THSD4: variants seen among roughly 807,000 people sequenced by gnomAD.
THSD4 encodes thrombospondin type-1 domain-containing protein 4.
Under a neutral mutation model 119.0 loss-of-function variants are expected in THSD4, and 69 were observed. The ratio of observed to expected loss-of-function variants is 0.58; its 90% CI spans 0.48 to 0.71. The LOEUF is 0.71. THSD4 is among the 30% of genes least tolerant of loss of function. The probability of loss-of-function intolerance (pLI) is 0.00; values close to 1 mark genes in which losing one functional copy is unlikely to be tolerated. For synonymous variants in THSD4, 524 were observed against 540.4 expected (o/e 0.97, Z 0.42); for missense variants, 1,393 against 1,391.1 (o/e 1.00, Z -0.02).
intron 6 of THSD4, among the ~76,000 whole-genome samples, chr15:71,321,141 A>C (rs1443828961): frequency 6.6e-6 from 1 of 152,238 alleles, no homozygotes; most frequent in East Asian, 1.9e-4. Flanking sequence ...TGAGACTAGC[A>C]GAGATGAAAT....
intron 6 of THSD4, among the ~76,000 whole-genome samples, chr15:71,395,914 GAC>G (rs58433075): frequency 0.019 from 2,567 of 133,324 alleles, 26 homozygotes; most frequent in South Asian, 0.034. Flanking sequence ...TTTGAAGAGA[GAC>G]ACACACACAC....
At chr15:71,542,989 T>G (rs2048782527) in intron 7 of THSD4, among the ~76,000 whole-genome samples, 1 of 151,746 alleles carries the variant, frequency 6.6e-6, no homozygotes, top group South Asian at 2.1e-4. Flanking sequence ...GGCTGAGAAA[T>G]GGTCACAGAC....
intron 11 of THSD4, among the ~76,000 whole-genome samples, chr15:71,744,457 A>T (rs1197885045): frequency 2.0e-5 from 3 of 152,172 alleles, no homozygotes; most frequent in African/African-American, 7.2e-5. Context: ...TGGGTACTTT[A>T]TTAGAAGAAC....
chr15:71,490,190 C>A (rs568189696), intron 7 of THSD4, among the ~76,000 whole-genome samples: 1 of 152,186 alleles, frequency 6.6e-6, no homozygotes, highest in South Asian at 2.1e-4. Flanking sequence ...CTTTGGAGGC[C>A]GAGGCAGGTG....
chr15:71,512,167 G>C (rs1207674234), intron 7 of THSD4, among the ~76,000 whole-genome samples: 1 of 152,132 alleles, frequency 6.6e-6, no homozygotes, highest in Non-Finnish European at 1.5e-5. Flanking sequence ...TTCTTCTTTG[G>C]TGTGGAGGTT....
chr15:71,206,657 A>G (rs2043846170), intron 3 of THSD4, among the ~76,000 whole-genome samples: 2 of 152,234 alleles, frequency 1.3e-5, no homozygotes, highest in South Asian at 4.1e-4. Flanking sequence ...ATGATTTCAC[A>G]TTAGTACAGA....
At chr15:71,559,732 T>C (rs1339578007) in intron 7 of THSD4, among the ~76,000 whole-genome samples, 1 of 152,210 alleles carries the variant, frequency 6.6e-6, no homozygotes. Flanking sequence ...TGTAAAGATT[T>C]ATTCAAATGC....
Position 71,328,164 on chromosome 15 carries a change from C to T in THSD4, c.1015+71449C>T, listed in dbSNP as rs928882400. Among the ~76,000 whole-genome samples, 5 of 152,304 alleles carry T rather than the reference C, an allele frequency of 3.3e-5. No homozygotes were observed. In the East Asian group the frequency reaches 9.6e-4, roughly 29 times the overall value. On this transcript the variant is annotated intron_variant, in intron 6 of 17. Transcript: ENST00000261862. ...GGTCCCGACTGGGACACCGTATTTTCGTGCTTCTTGTTTTTATTGTTCCTC... is the reference window on the plus strand; with the variant it reads ...GGTCCCGACTGGGACACCGTATTTTTGTGCTTCTTGTTTTTATTGTTCCTC...
Position 71,314,130 on chromosome 15 carries a change from C to G in THSD4, c.1015+57415C>G, listed in dbSNP as rs559640255. ...GTGAGTTGGAAAAGATCATTTTAGC[C>G]ATATGATTATAGCCTTTTTTAAAGG... On this transcript the variant is annotated intron_variant, in intron 6 of 17. Coordinates refer to ENST00000261862, the MANE Select transcript of THSD4 (RefSeq NM_024817.3). Among the ~76,000 whole-genome samples, 5 of 152,052 alleles carry G rather than the reference C, an allele frequency of 3.3e-5. No individual in the cohort carries two copies. In the East Asian group the frequency reaches 9.6e-4, roughly 29 times the overall value.
At chr15:71,349,512 G>A (rs994709325) in intron 6 of THSD4, among the ~76,000 whole-genome samples, 2 of 152,188 alleles carry the variant, frequency 1.3e-5, no homozygotes, top group East Asian at 1.9e-4. Context: ...TTCTGTCTAC[G>A]TAGCACCTGT....
intron 6 of THSD4, among the ~76,000 whole-genome samples, chr15:71,323,096 TAAAAAAAAA>T (rs34395762): frequency 3.0e-5 from 3 of 98,544 alleles, no homozygotes; most frequent in South Asian, 6.7e-4. Flanking sequence ...GACCCTGTCT[TAAAAAAAAA>T]AAAAAAAAAA....
chr15:71,161,042 T>C (rs1324016003), intron 3 of THSD4, among the ~76,000 whole-genome samples: 1 of 152,148 alleles, frequency 6.6e-6, no homozygotes, highest in Admixed American at 6.5e-5. Context: ...TCTTGTTTAA[T>C]GTTCATGTAT....
At chr15:71,765,600 T>C (rs1350264227) in intron 16 of THSD4, among the ~76,000 whole-genome samples, 2 of 152,208 alleles carry the variant, frequency 1.3e-5, no homozygotes, top group Non-Finnish European at 2.9e-5. Flanking sequence ...TCAAGGGTGC[T>C]GTTAAAAGAA....
At chr15:71,308,645 T>G (rs747274902) in intron 6 of THSD4, among the ~76,000 whole-genome samples, 15 of 152,242 alleles carry the variant, frequency 9.9e-5, no homozygotes, top group Non-Finnish European at 2.1e-4. Flanking sequence ...TCATTTTGTT[T>G]ATCCATTCCT....
chr15:71,604,988 C>G (rs1382477862), intron 7 of THSD4, among the ~76,000 whole-genome samples: 3 of 151,810 alleles, frequency 2.0e-5, no homozygotes, highest in Non-Finnish European at 4.4e-5. Context: ...AGAGGAAGAC[C>G]TTTTTGGGAA....
At chr15:71,379,387 TC>T (rs2046195290) in intron 6 of THSD4, among the ~76,000 whole-genome samples, 1 of 151,752 alleles carries the variant, frequency 6.6e-6, no homozygotes, top group Non-Finnish European at 1.5e-5. Context: ...AGGACAGTTT[TC>T]CTTCCAACCT....
intron 7 of THSD4, among the ~76,000 whole-genome samples, chr15:71,505,665 G>A (rs2048174697): frequency 6.6e-6 from 1 of 152,188 alleles, no homozygotes; most frequent in Non-Finnish European, 1.5e-5. Flanking sequence ...TATGGGAACA[G>A]AAACATAGAT....
chr15:71,334,362 C>T (rs1490816792), intron 6 of THSD4, among the ~76,000 whole-genome samples: 1 of 152,198 alleles, frequency 6.6e-6, no homozygotes, highest in Non-Finnish European at 1.5e-5. Flanking sequence ...AACCATTTCT[C>T]TAAGAGGTGG....
At chr15:71,424,803 G>A (rs1443989476) in intron 7 of THSD4, among the ~76,000 whole-genome samples, 1 of 152,198 alleles carries the variant, frequency 6.6e-6, no homozygotes, top group South Asian at 2.1e-4. Context: ...ATAGTTTGGG[G>A]GTGTATGTAT....
Sources: allele counts gnomAD v4.1 joint callset (sites outside exome capture counted in the v4.1 genomes callset), GRCh38; gene constraint gnomAD v4.1.1; transcripts MANE v1.5; gene names NCBI Gene and HGNC (gene_info 2026-07-23, HGNC 2026-07-21).